The following PTPRM variants were observed in gnomAD, a reference collection of about 807,000 sequenced individuals.
PTPRM encodes protein tyrosine phosphatase receptor type M, also known as receptor-type tyrosine-protein phosphatase mu.
In PTPRM, 47 loss-of-function variants were observed where a neutral mutation model predicts 186.7. That is an observed-to-expected ratio of 0.25 (90% CI 0.20 to 0.32). The LOEUF is 0.32. PTPRM is among the 10% of genes least tolerant of loss of function. The pLI, the probability that PTPRM is intolerant of heterozygous loss-of-function variation, is 1.00. For synonymous variants in PTPRM, 668 were observed against 674.9 expected (o/e 0.99, Z 0.16); for missense variants, 1,494 against 1,865.0 (o/e 0.80, Z 3.66).
intron 19 of PTPRM, among the ~76,000 whole-genome samples, chr18:8,286,835 T>C (rs1467462038): frequency 6.6e-6 from 1 of 152,210 alleles, no homozygotes; most frequent in Non-Finnish European, 1.5e-5. Context: ...TTACCATGAC[T>C]TAAGTATTGC....
chr18:8,228,902 C>T lies in PTPRM; in HGVS notation c.2301-15156C>T, dbSNP rs147757433. ...AATTCAGAAATTAAAATATATATAC[C>T]TATGAAGTGGTTAGGTGTTTTCAAC... On this transcript the variant is annotated intron_variant, in intron 14 of 32. Transcript: ENST00000580170. Among the ~76,000 whole-genome samples, 274 of 151,708 alleles carry T rather than the reference C, an allele frequency of 1.8e-3. 1 individual carries two copies. Among genetic ancestry groups the T allele is most frequent in the African/African-American group, 5.9e-3 (243 of 41,344 alleles).
At chr18:8,175,979 T>A (rs1007814895) in intron 14 of PTPRM, among the ~76,000 whole-genome samples, 2 of 152,204 alleles carry the variant, frequency 1.3e-5, no homozygotes, top group Non-Finnish European at 2.9e-5. Flanking sequence ...GCTCTTCTTA[T>A]GACTAAAAAG....
intron 2 of PTPRM, among the ~76,000 whole-genome samples, chr18:7,838,282 A>C (rs892467501): frequency 9.9e-5 from 15 of 152,284 alleles, no homozygotes; most frequent in African/African-American, 3.4e-4. Flanking sequence ...CTCACTCACT[A>C]TCATGAGAAA....
At chr18:8,289,460 A>G (rs1018394531) in intron 19 of PTPRM, among the ~76,000 whole-genome samples, 4 of 73,096 alleles carry the variant, frequency 5.5e-5, no homozygotes, top group African/African-American at 2.3e-4. Flanking sequence ...ATGTATATAC[A>G]TATATATACA....
intron 32 of PTPRM, chr18:8,399,696 A>C (rs2095862137): frequency 6.6e-6 from 1 of 152,186 alleles, no homozygotes; most frequent in Non-Finnish European, 1.5e-5. Flanking sequence ...GTGCAAGCCA[A>C]ATCCAGATCC....
intron 2 of PTPRM, among the ~76,000 whole-genome samples, chr18:7,823,085 G>C (rs1191592868): frequency 6.6e-6 from 1 of 152,116 alleles, no homozygotes; most frequent in Non-Finnish European, 1.5e-5. Flanking sequence ...GAGAACCACT[G>C]TCCTAATGTT....
At chr18:8,091,351 C>T (rs1462514985) in intron 11 of PTPRM, among the ~76,000 whole-genome samples, 1 of 152,176 alleles carries the variant, frequency 6.6e-6, no homozygotes, top group African/African-American at 2.4e-5. Context: ...TGCATCCAGT[C>T]TCTAATACCT....
At chr18:8,036,461 A>G (rs1849640873) in intron 7 of PTPRM, among the ~76,000 whole-genome samples, 1 of 152,104 alleles carries the variant, frequency 6.6e-6, no homozygotes, top group African/African-American at 2.4e-5. Flanking sequence ...CTCTTTTTCT[A>G]CTCAGTTTCT....
intron 2 of PTPRM, among the ~76,000 whole-genome samples, chr18:7,780,096 A>G (rs1008939936): frequency 1.7e-4 from 26 of 152,238 alleles, no homozygotes; most frequent in Non-Finnish European, 2.9e-4. Context: ...TAAAAAAAGT[A>G]AGATAAAAAG....
Position 8,378,327 on chromosome 18 carries a change from G to T in PTPRM, c.3525G>T (p.Val1175=), listed in dbSNP as rs139843092. ...LEACLCGDTS[V]PASQVRSLYY... ...CCTGTCTTTGTGGGGACACCTCTGT[G>T]CCTGCTTCCCAAGTTAGGTCTCTGT... Residue 1175 remains valine, a synonymous_variant, in exon 27 of 33, where the codon GTG becomes GTT. Transcript: ENST00000580170. 1.2e-6 allele frequency: 2 copies of T among 1,613,150 alleles called. No homozygotes were observed. Among genetic ancestry groups the T allele is most frequent in the Non-Finnish European group, 1.7e-6 (2 of 1,179,080 alleles).
At chr18:7,965,719 G>A (rs1329340166) in intron 7 of PTPRM, among the ~76,000 whole-genome samples, 4 of 152,214 alleles carry the variant, frequency 2.6e-5, no homozygotes, top group Non-Finnish European at 5.9e-5. Flanking sequence ...TGGAACCACT[G>A]TCATGCTTTG....
chr18:7,988,508 T>G (rs972491580), intron 7 of PTPRM, among the ~76,000 whole-genome samples: 8 of 152,174 alleles, frequency 5.3e-5, no homozygotes, highest in Non-Finnish European at 1.0e-4. Context: ...ACGATCTATA[T>G]CCAAAACATT....
chr18:7,842,828 G>GTATATATATATGTATATA (rs753669580), intron 2 of PTPRM, among the ~76,000 whole-genome samples: 1 of 73,784 alleles, frequency 1.4e-5, no homozygotes, highest in African/African-American at 6.8e-5. Context: ...ATATATATAT[G>GTATATATATATGTATATA]TATATATATA....
chr18:8,364,335 G>GC (rs1555886958), intron 23 of PTPRM, among the ~76,000 whole-genome samples: 1 of 152,124 alleles, frequency 6.6e-6, no homozygotes, highest in Non-Finnish European at 1.5e-5. Flanking sequence ...GTCACCTGCC[G>GC]CATGAGAAGA....
At chr18:8,220,195 AT>A (rs2094138814) in intron 14 of PTPRM, among the ~76,000 whole-genome samples, 1 of 152,218 alleles carries the variant, frequency 6.6e-6, no homozygotes, top group Non-Finnish European at 1.5e-5. Context: ...GAGATAAAAG[AT>A]TAGAGATGAA....
chr18:8,217,541 A>C (rs2094104568), intron 14 of PTPRM, among the ~76,000 whole-genome samples: 1 of 152,216 alleles, frequency 6.6e-6, no homozygotes. Flanking sequence ...TCTACATAGC[A>C]ATTTTAATCA....
At chr18:8,021,989 A>T (rs1424897278) in intron 7 of PTPRM, among the ~76,000 whole-genome samples, 1 of 152,234 alleles carries the variant, frequency 6.6e-6, no homozygotes, top group Non-Finnish European at 1.5e-5. Context: ...AGATTTGTGG[A>T]ATAAAATTTG....
At chr18:7,808,446 TC>T (rs1471888830) in intron 2 of PTPRM, among the ~76,000 whole-genome samples, 2 of 152,226 alleles carry the variant, frequency 1.3e-5, no homozygotes, top group Non-Finnish European at 1.5e-5. Flanking sequence ...GAAATCTGTG[TC>T]TTCTTAATTT....
In PTPRM at chr18:8,143,654, C is replaced by T; in HGVS notation, c.2175C>T (p.Ala725=). The change falls in exon 14 of 33, where the codon GCC becomes GCT. Residue 725 remains alanine, a synonymous_variant. Transcript: ENST00000580170. ...DCVQVATKGA[A]TPKPVPEPEK... is the part of the protein sequence containing the mutation. Reference sequence around the variant, plus strand: ...ATTTCCTTTCATCTTCAGGAGCTGCCACTCCGAAACCAGTCCCAGAACCCG... The same window carrying T: ...ATTTCCTTTCATCTTCAGGAGCTGCTACTCCGAAACCAGTCCCAGAACCCG... 1 of 1,595,656 alleles carries T rather than the reference C, an allele frequency of 6.3e-7. No homozygotes were observed. The highest frequency in any genetic ancestry group is 8.6e-7 in the Non-Finnish European group (1 of 1,163,352).
Sources: allele counts gnomAD v4.1 joint callset (sites outside exome capture counted in the v4.1 genomes callset), GRCh38; gene constraint gnomAD v4.1.1; transcripts MANE v1.5; gene names NCBI Gene and HGNC (gene_info 2026-07-23, HGNC 2026-07-21).